HERC1: variants seen among roughly 807,000 people sequenced by gnomAD.
HERC1 encodes the protein probable E3 ubiquitin-protein ligase HERC1.
HERC1 carries 160 observed loss-of-function variants against 554.3 expected under a neutral mutation model. The observed-to-expected ratio is 0.29, with a 90% CI of 0.25 to 0.33. HERC1 has a LOEUF of 0.33. HERC1 is among the 10% of genes least tolerant of loss of function. The pLI is 1.00. For synonymous variants in HERC1, 2,175 were observed against 2,131.7 expected, an observed-to-expected ratio of 1.02 and a Z score of -0.56; for missense variants, 4,919 against 5,918.5, an observed-to-expected ratio of 0.83 and a Z score of 5.54.
At chr15:63,802,470 T>A (rs2144839607) in intron 1 of HERC1, among the ~76,000 whole-genome samples, 1 of 152,108 alleles carries the variant, frequency 6.6e-6, no homozygotes, top group Middle Eastern at 3.4e-3. Flanking sequence ...AACTAATGGG[T>A]TTTCACTTGC....
intron 1 of HERC1, among the ~76,000 whole-genome samples, chr15:63,782,904 A>G (rs2076327754): frequency 2.0e-5 from 3 of 152,238 alleles, no homozygotes; most frequent in Non-Finnish European, 4.4e-5. Context: ...TGGTGGAAAT[A>G]GCAAGAGAAG....
At chr15:63,668,095 CTTATT>C (rs1264477961) in intron 40 of HERC1, among the ~76,000 whole-genome samples, 1 of 152,042 alleles carries the variant, frequency 6.6e-6, no homozygotes, top group Non-Finnish European at 1.5e-5. Flanking sequence ...AATAATAAAA[CTTATT>C]TAATTCAAAG....
chr15:63,695,984 T>C, intron 27 of HERC1, 140 bp downstream of exon 27: 2 of 631,332 alleles, frequency 3.2e-6, no homozygotes, highest in Non-Finnish European at 5.5e-6. Flanking sequence ...ATTTAGGAAA[T>C]GGAACCAAGG....
chr15:63,622,009 C>T (rs2068099009), intron 74 of HERC1, among the ~76,000 whole-genome samples: 1 of 152,288 alleles, frequency 6.6e-6, no homozygotes, highest in South Asian at 2.1e-4. Flanking sequence ...CATTCTCCGT[C>T]CAGCTTTGTT....
At chr15:63,689,742 C>A (rs774992801) in intron 32 of HERC1, 43 bp from the exon 33 acceptor site, 2 of 1,197,948 alleles carry the variant, frequency 1.7e-6, no homozygotes, top group Non-Finnish European at 1.2e-6. Context: ...TAAAAAGTAA[C>A]TTTAAGTATT....
At chr15:63,740,288 T>C (rs958482809) in intron 12 of HERC1, among the ~76,000 whole-genome samples, 2 of 152,240 alleles carry the variant, frequency 1.3e-5, no homozygotes, top group African/African-American at 4.8e-5. Flanking sequence ...CTAAATAATA[T>C]TACATTGTAT....
intron 2 of HERC1, among the ~76,000 whole-genome samples, chr15:63,765,835 T>C (rs373898861): frequency 6.6e-6 from 1 of 152,190 alleles, no homozygotes; most frequent in East Asian, 1.9e-4. Flanking sequence ...GTCACAGGCA[T>C]GTCCTTAACC....
chr15:63,797,001 T>A (rs1268995382), intron 1 of HERC1, among the ~76,000 whole-genome samples: 1 of 152,126 alleles, frequency 6.6e-6, no homozygotes, highest in African/African-American at 2.4e-5. Flanking sequence ...CCGGAACTAG[T>A]TTATCAGGTT....
At chr15:63,712,632 C>T in intron 24 of HERC1, 143 bp downstream of exon 24, 2 of 603,964 alleles carry the variant, frequency 3.3e-6, no homozygotes, top group East Asian at 5.8e-5. Context: ...AACATATATG[C>T]AATATAGTTA....
chr15:63,619,781 T>C (rs936030187), intron 74 of HERC1, among the ~76,000 whole-genome samples: 1 of 152,214 alleles, frequency 6.6e-6, no homozygotes, highest in African/African-American at 2.4e-5. Flanking sequence ...TTTATTTGCA[T>C]AGAGGTGTTT....
At chr15:63,635,058 A>C in intron 65 of HERC1, 170 bp from the exon 66 acceptor site, 1 of 461,718 alleles carries the variant, frequency 2.2e-6, no homozygotes, top group Non-Finnish European at 3.8e-6. Flanking sequence ...TTTTTTTTAA[A>C]TTTTAAAGAG....
intron 1 of HERC1, among the ~76,000 whole-genome samples, chr15:63,786,292 A>AAAG (rs1051777479): frequency 4.0e-5 from 6 of 150,664 alleles, no homozygotes; most frequent in East Asian, 1.9e-4. Flanking sequence ...AAAAAAAAAA[A>AAAG]AAGAAGAAGA....
intron 46 of HERC1, 90 bp from the exon 47 acceptor site, chr15:63,660,026 T>C (rs2070267440): frequency 9.3e-7 from 1 of 1,075,984 alleles, no homozygotes; most frequent in Admixed American, 2.0e-5. Flanking sequence ...ACATCTAAAA[T>C]GCAGATGAGC....
chr15:63,744,164 G>GTGTGTGTGTCTCTCTCTC, intron 12 of HERC1, among the ~76,000 whole-genome samples: 2 of 46,222 alleles, frequency 4.3e-5, no homozygotes, highest in Non-Finnish European at 1.1e-4. Flanking sequence ...GTGTGTGTGT[G>GTGTGTGTGTCTCTCTCTC]TCTCTCTCTC....
intron 53 of HERC1, 74 bp downstream of exon 53, chr15:63,651,179 T>C: frequency 7.2e-7 from 1 of 1,384,276 alleles, no homozygotes; most frequent in Non-Finnish European, 1.0e-6. Context: ...AACCACTGTT[T>C]GGACTCAGAA....
chr15:63,798,167 A>C (rs1317000644), intron 1 of HERC1, among the ~76,000 whole-genome samples: 2 of 152,120 alleles, frequency 1.3e-5, no homozygotes, highest in Non-Finnish European at 2.9e-5. Flanking sequence ...TTAGGATAAA[A>C]TTTAACTGAA....
chr15:63,739,441 C>T (rs959429375), intron 12 of HERC1, among the ~76,000 whole-genome samples: 3 of 150,976 alleles, frequency 2.0e-5, no homozygotes, highest in African/African-American at 7.3e-5. Flanking sequence ...AAGTGATCTA[C>T]CCTCCTCGGC....
intron 57 of HERC1, among the ~76,000 whole-genome samples, chr15:63,644,015 T>C (rs2069198896): frequency 6.6e-6 from 1 of 152,224 alleles, no homozygotes; most frequent in African/African-American, 2.4e-5. Context: ...GCTTTAGAAG[T>C]GACATAGGTA....
At chr15:63,729,681 G>A (rs1295664726) in intron 14 of HERC1, 32 bp from the exon 15 acceptor site, 1 of 1,607,024 alleles carries the variant, frequency 6.2e-7, no homozygotes, top group Non-Finnish European at 8.5e-7. Flanking sequence ...GTTTATATTT[G>A]AAGTGCTTGA....
Sources: allele counts gnomAD v4.1 joint callset (sites outside exome capture counted in the v4.1 genomes callset), GRCh38; gene constraint gnomAD v4.1.1; transcripts MANE v1.5; gene names NCBI Gene and HGNC (gene_info 2026-07-23, HGNC 2026-07-21).